The following SLC25A48 variants were observed in gnomAD, a reference collection of about 807,000 sequenced individuals.
SLC25A48 encodes the protein CTC-321K16.1.
A neutral mutation model predicts 32.2 loss-of-function variants in SLC25A48; 29 were observed. That is an observed-to-expected ratio of 0.90 (90% confidence interval 0.67 to 1.23). The LOEUF is 1.23. SLC25A48 is among the 50% of genes most tolerant of loss of function. The pLI is 0.00. For synonymous variants in SLC25A48, 164 were observed against 172.3 expected (o/e 0.95, Z 0.38); for missense variants, 399 against 422.7 (o/e 0.94, Z 0.49).
rs538475437 is a variant in SLC25A48, at chr5:135,834,780, G to A, written c.-68G>A. 20 of 1,469,962 alleles carry A rather than the reference G, an allele frequency of 1.4e-5. No homozygotes were observed. In the East Asian group the frequency reaches 4.7e-4, roughly 35 times the overall value. The allele number at this position is 1,469,962 out of a possible 1,614,324, so 91.1% of individuals were successfully genotyped here. A position where few individuals can be genotyped will look rare whatever the true frequency, so the allele number is the denominator to read the frequency against. On this transcript the variant is annotated 5_prime_UTR_variant, in exon 1 of 8. Coordinates refer to ENST00000681962, the MANE Select transcript of SLC25A48 (RefSeq NM_001349336.2). ...GGTCTTGCGGCGCGCTCGCGCCCGCGGGCCATGCCCCACTGACTCTAAGTG... is the reference window on the plus strand; with the variant it reads ...GGTCTTGCGGCGCGCTCGCGCCCGCAGGCCATGCCCCACTGACTCTAAGTG...
intron 7 of SLC25A48, among the ~76,000 whole-genome samples, chr5:135,885,481 A>T (rs1446750612): frequency 6.6e-6 from 1 of 152,022 alleles, no homozygotes; most frequent in Non-Finnish European, 1.5e-5. Flanking sequence ...AAGCCCTTAG[A>T]TGTTAGGGCT....
intron 3 of SLC25A48, among the ~76,000 whole-genome samples, chr5:135,647,948 G>A (rs554109232): frequency 2.2e-4 from 34 of 152,226 alleles, no homozygotes; most frequent in Non-Finnish European, 2.5e-4. Flanking sequence ...TGTAGAGAGA[G>A]GAAGGTGGTG....
intron 3 of SLC25A48, among the ~76,000 whole-genome samples, chr5:135,786,172 C>A (rs1008203868): frequency 6.8e-6 from 1 of 146,032 alleles, no homozygotes; most frequent in Non-Finnish European, 1.5e-5. Flanking sequence ...AGTGGGGAGA[C>A]GGTACTATTA....
chr5:135,763,065 A>G (rs1473845909), intron 3 of SLC25A48, among the ~76,000 whole-genome samples: 1 of 151,916 alleles, frequency 6.6e-6, no homozygotes, highest in African/African-American at 2.4e-5. Context: ...GTGTGGGTGA[A>G]TATGTGTGTG....
intron 3 of SLC25A48, among the ~76,000 whole-genome samples, chr5:135,723,378 T>TCA (rs1444066866): frequency 0.023 from 1,242 of 54,430 alleles, 11 homozygotes; most frequent in African/African-American, 0.048. Context: ...TCTCTCTCTC[T>TCA]CTCACACACA....
intron 7 of SLC25A48, among the ~76,000 whole-genome samples, chr5:135,887,581 C>T (rs906716436): frequency 2.6e-4 from 39 of 152,134 alleles, no homozygotes; most frequent in Non-Finnish European, 5.1e-4. Context: ...CTAAACCCTC[C>T]GCAGGAATCC....
intron 3 of SLC25A48, among the ~76,000 whole-genome samples, chr5:135,803,351 T>C (rs1037535247): frequency 2.6e-5 from 4 of 151,586 alleles, no homozygotes; most frequent in Non-Finnish European, 5.9e-5. Context: ...TTAATCCTAA[T>C]ATCACAGTAG....
intron 3 of SLC25A48, chr5:135,649,279 T>C (rs1753045411): frequency 6.6e-6 from 1 of 151,862 alleles, no homozygotes; most frequent in South Asian, 2.1e-4. Flanking sequence ...ATAACACAAA[T>C]TGAAAAAAAA....
chr5:135,854,920 AG>A (rs1760179806), intron 4 of SLC25A48, among the ~76,000 whole-genome samples: 1 of 152,212 alleles, frequency 6.6e-6, no homozygotes, highest in Non-Finnish European at 1.5e-5. Flanking sequence ...TTGAACACTT[AG>A]AGGTCATTGT....
At chr5:135,832,218 C>T (rs1025766852), upstream of SLC25A48, among the ~76,000 whole-genome samples, 5 of 152,056 alleles carry the variant, frequency 3.3e-5, no homozygotes, top group Non-Finnish European at 5.9e-5. Context: ...ATGGGAGGTA[C>T]GGGTGGGTGA....
intron 3 of SLC25A48, among the ~76,000 whole-genome samples, chr5:135,661,189 C>T (rs1329548003): frequency 6.6e-6 from 1 of 152,236 alleles, no homozygotes; most frequent in African/African-American, 2.4e-5. Flanking sequence ...AGCTTCCTGT[C>T]TGCCTCCAGA....
chr5:135,879,607 A>AGTGT lies in SLC25A48; in HGVS notation c.814-360_814-359insTGTG, dbSNP rs776733956. ...AGGAGAGAGAGAGAGAGAGAGAGAGAGAGAGTGTGTGTGTGTGTGTGTGTG... is the reference window on the plus strand; with the variant it reads ...AGGAGAGAGAGAGAGAGAGAGAGAGAGTGTGAGAGTGTGTGTGTGTGTGTGTGTG... On this transcript the variant is annotated intron_variant, in intron 6 of 7. Transcript: ENST00000681962. 1.9e-3 allele frequency among the ~76,000 whole-genome samples: 264 copies of AGTGT among 139,284 alleles called. 3 individuals carry two copies. Among genetic ancestry groups the AGTGT allele is most frequent in the African/African-American group, 7.7e-3 (248 of 32,006 alleles). The allele number at this position is 139,284 out of a possible 152,430, so 91.4% of individuals were successfully genotyped here.
At position 135,874,058 on chromosome 5, in the gene SLC25A48, C is replaced by A. The variant is rs551720758; in HGVS notation, c.717C>A (p.Val239=). Residue 239 remains valine, a synonymous_variant, in exon 6 of 8, where the codon GTC becomes GTA. Transcript: ENST00000681962. ...GGGGGACAGCGACTCCTATGGATGT[C>A]GTGAAAAGTCGACTCCAAGCTGATG... The part of the protein sequence containing the change: ...ISWGTATPMD[V]VKSRLQADGV... 3 of 1,531,212 alleles carry A rather than the reference C, an allele frequency of 2.0e-6. No homozygotes were observed. In the South Asian group the frequency reaches 3.6e-5, roughly 18 times the overall value. The allele number at this position is 1,531,212 out of a possible 1,614,324, so 94.9% of individuals were successfully genotyped here. A position where few individuals can be genotyped will look rare whatever the true frequency, so the allele number is the denominator to read the frequency against.
intron 3 of SLC25A48, among the ~76,000 whole-genome samples, chr5:135,791,515 T>C (rs897484967): frequency 4.0e-5 from 6 of 151,636 alleles, no homozygotes; most frequent in African/African-American, 9.7e-5. Context: ...TTACAGGGGG[T>C]GTACACCCAG....
At chr5:135,802,170 C>T (rs953037991) in intron 3 of SLC25A48, among the ~76,000 whole-genome samples, 10 of 88,648 alleles carry the variant, frequency 1.1e-4, no homozygotes, top group Admixed American at 6.1e-4. Context: ...AGTGGGTTTA[C>T]ATCATATGAC....
intron 3 of SLC25A48, among the ~76,000 whole-genome samples, chr5:135,851,458 T>C (rs1759857983): frequency 6.6e-6 from 1 of 152,168 alleles, no homozygotes; most frequent in African/African-American, 2.4e-5. Flanking sequence ...TCTGGGGTTT[T>C]GGTGGGGACT....
intron 3 of SLC25A48, among the ~76,000 whole-genome samples, chr5:135,752,776 A>G (rs1167307657): frequency 6.6e-6 from 1 of 151,828 alleles, no homozygotes; most frequent in Admixed American, 6.6e-5. Flanking sequence ...ATTATGAATA[A>G]TGTCACTGGG....
intron 3 of SLC25A48, among the ~76,000 whole-genome samples, chr5:135,796,267 G>A (rs185468947): frequency 1.3e-5 from 2 of 151,442 alleles, no homozygotes; most frequent in East Asian, 3.9e-4. Flanking sequence ...GCCGCGATGT[G>A]GTTCACAATA....
intron 4 of SLC25A48, among the ~76,000 whole-genome samples, chr5:135,818,168 C>G (rs1757788458): frequency 6.7e-6 from 1 of 149,184 alleles, no homozygotes; most frequent in Admixed American, 6.8e-5. Flanking sequence ...AAGGCACATT[C>G]TAATTACACA....
Sources: allele counts gnomAD v4.1 joint callset (sites outside exome capture counted in the v4.1 genomes callset), GRCh38; gene constraint gnomAD v4.1.1; transcripts MANE v1.5; gene names NCBI Gene and HGNC (gene_info 2026-07-23, HGNC 2026-07-21).